The following SUCLG2 variants were observed in gnomAD, a reference collection of about 807,000 sequenced individuals.
The protein encoded by SUCLG2 is succinate--CoA ligase [GDP-forming] subunit beta, mitochondrial.
In SUCLG2, 42 loss-of-function variants were observed where a neutral mutation model predicts 47.9. That is an observed-to-expected ratio of 0.88 (90% CI 0.69 to 1.14). SUCLG2 has a LOEUF of 1.14. SUCLG2 is among the 50% of genes most tolerant of loss of function. SUCLG2 has a pLI of 0.00. For synonymous variants in SUCLG2, 195 were observed against 197.3 expected (o/e 0.99, Z 0.10); for missense variants, 571 against 525.9 (o/e 1.09, Z -0.84).
chr3:67,386,255 A>ATTT (rs57016463), intron 10 of SUCLG2, among the ~76,000 whole-genome samples: 2 of 143,398 alleles, frequency 1.4e-5, no homozygotes, highest in African/African-American at 2.6e-5. Context: ...CGCCCGGCTA[A>ATTT]TTTTTTTTTT....
At chr3:67,527,982 C>T in intron 4 of SUCLG2, 150 bp downstream of exon 4, 6 of 634,004 alleles carry the variant, frequency 9.5e-6, no homozygotes, top group African/African-American at 1.8e-5. Flanking sequence ...AGACATACTA[C>T]TTACTAAACA....
chr3:67,411,488 A>C (rs544276699), intron 9 of SUCLG2, among the ~76,000 whole-genome samples: 1 of 152,294 alleles, frequency 6.6e-6, no homozygotes, highest in Non-Finnish European at 1.5e-5. Flanking sequence ...CTAGTGGATA[A>C]ATATCTGGCT....
chr3:67,543,278 T>C (rs1475132293), intron 2 of SUCLG2, among the ~76,000 whole-genome samples: 1 of 152,202 alleles, frequency 6.6e-6, no homozygotes, highest in African/African-American at 2.4e-5. Flanking sequence ...CAAACTAAGC[T>C]TTAAGCTGAC....
chr3:67,382,782 A>G (rs948953365), intron 10 of SUCLG2, among the ~76,000 whole-genome samples: 1 of 152,162 alleles, frequency 6.6e-6, no homozygotes, highest in Non-Finnish European at 1.5e-5. Flanking sequence ...TCGAAAGCCT[A>G]AAGTATTTCA....
intron 4 of SUCLG2, among the ~76,000 whole-genome samples, chr3:67,527,466 T>C (rs1706285363): frequency 6.6e-6 from 1 of 152,184 alleles, no homozygotes; most frequent in Non-Finnish European, 1.5e-5. Flanking sequence ...AGTTCTAGTG[T>C]CTGGATACAC....
chr3:67,651,444 G>A (rs912054583), intron 1 of SUCLG2, among the ~76,000 whole-genome samples: 4 of 152,040 alleles, frequency 2.6e-5, no homozygotes, highest in Admixed American at 6.6e-5. Flanking sequence ...ACCTTTCATC[G>A]CTCAGGTCTC....
At chr3:67,627,533 A>G (rs1026736888) in intron 1 of SUCLG2, among the ~76,000 whole-genome samples, 1 of 152,204 alleles carries the variant, frequency 6.6e-6, no homozygotes, top group Non-Finnish European at 1.5e-5. Flanking sequence ...ATTTTGTCTC[A>G]GCTCCAAAAT....
chr3:67,631,657 C>G (rs1044431932), intron 1 of SUCLG2, among the ~76,000 whole-genome samples: 1 of 151,984 alleles, frequency 6.6e-6, no homozygotes, highest in African/African-American at 2.4e-5. Flanking sequence ...GTATTTACTA[C>G]GTGGTCATCT....
intron 2 of SUCLG2, among the ~76,000 whole-genome samples, chr3:67,532,486 G>A (rs1036112400): frequency 2.0e-5 from 3 of 152,230 alleles, no homozygotes; most frequent in Admixed American, 2.0e-4. Flanking sequence ...ACTCTGAGTT[G>A]GTATAACTTG....
intron 9 of SUCLG2, among the ~76,000 whole-genome samples, chr3:67,428,480 C>T (rs1050190519): frequency 6.6e-6 from 1 of 152,140 alleles, no homozygotes; most frequent in African/African-American, 2.4e-5. Context: ...GATAAAACCA[C>T]AAAGATGGTG....
intron 4 of SUCLG2, among the ~76,000 whole-genome samples, chr3:67,524,653 A>C (rs12488930): frequency 0.061 from 9,343 of 152,220 alleles, 443 homozygotes; most frequent in East Asian, 0.24. Context: ...CTGGGGACTT[A>C]TACTTTTGAG....
intron 2 of SUCLG2, among the ~76,000 whole-genome samples, chr3:67,578,737 A>C (rs1707808271): frequency 6.6e-6 from 1 of 152,186 alleles, no homozygotes; most frequent in Admixed American, 6.5e-5. Context: ...ATGAGGAAGA[A>C]AGACAAGGCA....
intron 9 of SUCLG2, among the ~76,000 whole-genome samples, chr3:67,427,406 A>G (rs1461471273): frequency 2.6e-5 from 4 of 152,236 alleles, no homozygotes; most frequent in African/African-American, 9.6e-5. Context: ...GCTACTGGTC[A>G]AAAGTATTTC....
chr3:67,407,292 C>T (rs1014690566), intron 9 of SUCLG2, among the ~76,000 whole-genome samples: 1 of 152,172 alleles, frequency 6.6e-6, no homozygotes, highest in Non-Finnish European at 1.5e-5. Context: ...ACCCCTCCTT[C>T]TTCATGTCAC....
chr3:67,410,931 A>G (rs2106836274), intron 9 of SUCLG2, among the ~76,000 whole-genome samples: 1 of 152,292 alleles, frequency 6.6e-6, no homozygotes, highest in South Asian at 2.1e-4. Context: ...GCAGATTGAG[A>G]ATATTTATTG....
chr3:67,450,532 C>T (rs1371423149), intron 9 of SUCLG2, among the ~76,000 whole-genome samples: 2 of 152,126 alleles, frequency 1.3e-5, no homozygotes, highest in Non-Finnish European at 2.9e-5. Flanking sequence ...TTCAAGTATA[C>T]AGAGAAGTTG....
intron 1 of SUCLG2, among the ~76,000 whole-genome samples, chr3:67,630,190 C>T (rs6797010): frequency 0.31 from 47,347 of 151,774 alleles, 7,750 homozygotes; most frequent in Non-Finnish European, 0.37. Flanking sequence ...TCCTTAATTA[C>T]CTATCTTACA....
chr3:67,556,082 C>A (rs1369667159), intron 2 of SUCLG2, among the ~76,000 whole-genome samples: 1 of 152,186 alleles, frequency 6.6e-6, no homozygotes, highest in Non-Finnish European at 1.5e-5. Flanking sequence ...CAGAAAAAGA[C>A]CTGACTTTTT....
At chr3:67,444,248 C>T (rs1401553237) in intron 9 of SUCLG2, among the ~76,000 whole-genome samples, 2 of 53,900 alleles carry the variant, frequency 3.7e-5, no homozygotes, top group Non-Finnish European at 8.1e-5. Context: ...GTGAGGAGCC[C>T]CTCAGCCCGG....
Sources: gnomAD v4.1 joint callset for allele counts (sites outside exome capture counted in the v4.1 genomes callset) on GRCh38, gnomAD v4.1.1 for gene constraint, MANE v1.5 for transcripts, NCBI Gene and HGNC (gene_info 2026-07-23, HGNC 2026-07-21) for gene names.